Variants in FUT8 observed in about 807,000 individuals in gnomAD.
FUT8 encodes the protein alpha-(1,6)-fucosyltransferase.
FUT8 carries 29 observed loss-of-function variants against 71.3 expected under a neutral mutation model. The observed-to-expected ratio is 0.41, with a 90% CI of 0.30 to 0.55. The LOEUF (loss-of-function observed/expected upper bound fraction) is 0.55. Among genes scored for constraint, FUT8 ranks in the 20% least tolerant of loss-of-function variants. The pLI is 0.34. For missense variants in FUT8, 544 were observed against 702.1 expected, an observed-to-expected ratio of 0.77 and a Z score of 2.55; for synonymous variants, 254 against 239.3, an observed-to-expected ratio of 1.06 and a Z score of -0.57.
At chr14:65,560,377 C>T (rs1885850389) in intron 2 of FUT8, among the ~76,000 whole-genome samples, 1 of 152,104 alleles carries the variant, frequency 6.6e-6, no homozygotes, top group Admixed American at 6.6e-5. Context: ...GATGGGGTTT[C>T]ACCATCTTGC....
intron 2 of FUT8, among the ~76,000 whole-genome samples, chr14:65,508,555 C>T (rs1275722536): frequency 8.7e-6 from 1 of 115,314 alleles, no homozygotes; most frequent in African/African-American, 3.4e-5. Flanking sequence ...GGCTGGAGTG[C>T]AATGGCATAA....
intron 2 of FUT8, among the ~76,000 whole-genome samples, chr14:65,480,028 T>C (rs1382023781): frequency 1.3e-5 from 2 of 152,166 alleles, no homozygotes; most frequent in African/African-American, 4.8e-5. Flanking sequence ...CTGGGTGGCA[T>C]TGGAATCAGT....
At position 65,627,901 on chromosome 14, in the gene FUT8, T is replaced by G. The variant is rs1889981431; in HGVS notation, c.483-1591T>G. Among the ~76,000 whole-genome samples, 1 of 152,176 alleles carries G rather than the reference T, an allele frequency of 6.6e-6. No homozygotes were observed. The highest frequency in any genetic ancestry group is 2.4e-5 in the African/African-American group (1 of 41,448). ...CAACTGCCTGACCATCACCTGATGG[T>G]CGCCTGACATTGCTTGGAGGTTAAG... On this transcript the variant is annotated intron_variant, in intron 5 of 10. Coordinates refer to ENST00000673929, the MANE Select transcript of FUT8 (RefSeq NM_001371533.1). The surrounding 1 kb of genome is among the most constrained non-coding windows in gnomAD (Gnocchi z 4.0).
upstream of FUT8, among the ~76,000 whole-genome samples, chr14:65,405,825 C>T (rs2065087172): frequency 6.6e-6 from 1 of 152,206 alleles, no homozygotes; most frequent in African/African-American, 2.4e-5. Context: ...TGACTTCTCC[C>T]AGATTTTATA....
chr14:65,456,608 C>T (rs2065896809), intron 2 of FUT8, among the ~76,000 whole-genome samples: 1 of 151,752 alleles, frequency 6.6e-6, no homozygotes, highest in African/African-American at 2.4e-5. Context: ...GGCATGGTGG[C>T]TCAAACCTGT....
chr14:65,473,585 C>T (rs1179144224), intron 2 of FUT8, among the ~76,000 whole-genome samples: 2 of 152,184 alleles, frequency 1.3e-5, no homozygotes, highest in Non-Finnish European at 2.9e-5. Flanking sequence ...GTATTCTAGA[C>T]ACTCATACTT....
the FUT8 span, among the ~76,000 whole-genome samples, chr14:65,366,650 A>G: frequency 6.6e-6 from 1 of 152,190 alleles, no homozygotes; most frequent in Non-Finnish European, 1.5e-5. Context: ...GACTCTTAAA[A>G]GGCCTACCTC....
rs539364990 is a variant in FUT8, at chr14:65,734,941, C to A, written c.1410+1560C>A. ...TTAGCAGCATCCCTGGCCAGTAAGA[C>A]CCTCACTTAAAATTGTGACAACCAA... On this transcript the variant is annotated intron_variant, in intron 10 of 10. Transcript: ENST00000673929. Among the ~76,000 whole-genome samples, 3 of 152,242 alleles carry A rather than the reference C, an allele frequency of 2.0e-5. No homozygotes were observed. The East Asian group carries it at 5.8e-4, about 29-fold the overall frequency.
intron 6 of FUT8, among the ~76,000 whole-genome samples, chr14:65,655,658 G>T (rs929779108): frequency 1.3e-5 from 2 of 152,132 alleles, no homozygotes; most frequent in African/African-American, 4.8e-5. Flanking sequence ...GCAGAAACTG[G>T]CAGAACTGAA....
chr14:65,358,944 T>C, the FUT8 span, among the ~76,000 whole-genome samples: 1 of 152,182 alleles, frequency 6.6e-6, no homozygotes, highest in Non-Finnish European at 1.5e-5. Context: ...ATAAGGACAT[T>C]CTCCTACACA....
intron 7 of FUT8, among the ~76,000 whole-genome samples, chr14:65,687,733 C>CT (rs1893366337): frequency 6.6e-6 from 1 of 151,162 alleles, no homozygotes; most frequent in Non-Finnish European, 1.5e-5. Context: ...CCAGCCATGA[C>CT]TTATTCTCCC....
chr14:65,395,538 C>T, the FUT8 span, among the ~76,000 whole-genome samples: 7 of 152,276 alleles, frequency 4.6e-5, no homozygotes, highest in African/African-American at 1.7e-4. Flanking sequence ...GGGGCTTGCA[C>T]CCTCTGAAGC....
At chr14:65,573,562 C>G (rs920494580) in intron 3 of FUT8, among the ~76,000 whole-genome samples, 5 of 151,778 alleles carry the variant, frequency 3.3e-5, no homozygotes, top group South Asian at 2.1e-4. Context: ...TTGTGGCATA[C>G]AAAAGGGGGT....
At chr14:65,597,741 A>C (rs1888070982) in intron 3 of FUT8, among the ~76,000 whole-genome samples, 1 of 152,210 alleles carries the variant, frequency 6.6e-6, no homozygotes, top group Non-Finnish European at 1.5e-5. Flanking sequence ...GAAACTCTAA[A>C]CATCTGTTAT....
rs951515036 is a variant in FUT8 at position 65,643,918 on chromosome 14, T to C, written c.597+14312T>C. Among the ~76,000 whole-genome samples the C allele has an allele frequency of 6.6e-6, 1 of 152,198 alleles. No individual in the cohort carries two copies. The highest frequency in any genetic ancestry group is 2.4e-5 in the African/African-American group (1 of 41,444). ...TTCTCTTTCTAGAAATATGCCTCATTTTTTTCAAGAAATGGCAGGTTTCGC... is the reference window on the plus strand; with the variant it reads ...TTCTCTTTCTAGAAATATGCCTCATCTTTTTCAAGAAATGGCAGGTTTCGC... On this transcript the variant is annotated intron_variant, in intron 6 of 10. Coordinates refer to ENST00000673929, the MANE Select transcript of FUT8 (RefSeq NM_001371533.1). The surrounding 1 kb of genome is among the most constrained non-coding windows in gnomAD (Gnocchi z 4.5).
intron 3 of FUT8, among the ~76,000 whole-genome samples, chr14:65,570,325 C>G (rs1886402253): frequency 2.6e-5 from 4 of 152,030 alleles, no homozygotes; most frequent in Admixed American, 2.6e-4. Context: ...ATAGCTAGTT[C>G]AGCCTGCTCT....
At chr14:65,417,411 C>A (rs541957545) in intron 1 of FUT8, among the ~76,000 whole-genome samples, 4 of 152,262 alleles carry the variant, frequency 2.6e-5, no homozygotes, top group Admixed American at 6.5e-5. Context: ...TCCCACCAGG[C>A]AAAGGTTTTT....
chr14:65,574,503 T>C lies in FUT8; in HGVS notation c.203+12737T>C, dbSNP rs1411967144. Among the ~76,000 whole-genome samples the C allele has an allele frequency of 2.6e-5, 4 of 152,188 alleles. No individual in the cohort carries two copies. The highest frequency in any genetic ancestry group is 9.7e-5 in the African/African-American group (4 of 41,438). On this transcript the variant is annotated intron_variant, in intron 3 of 10. Transcript: ENST00000673929. The surrounding 1 kb of genome is among the most constrained non-coding windows in gnomAD (Gnocchi z 5.2). ...AAGTTTTCATTGTGTACCAACACTTTACATAAATTATCTTATTCAGAAGTT... is the reference window on the plus strand; with the variant it reads ...AAGTTTTCATTGTGTACCAACACTTCACATAAATTATCTTATTCAGAAGTT...
chr14:65,649,378 G>A (rs919274730), intron 6 of FUT8, among the ~76,000 whole-genome samples: 6 of 152,058 alleles, frequency 3.9e-5, no homozygotes, highest in Non-Finnish European at 5.9e-5. Flanking sequence ...AGTGATAGCC[G>A]AACTTGCTGA....
Sources: gnomAD v4.1 joint callset for allele counts (sites outside exome capture counted in the v4.1 genomes callset) on GRCh38, gnomAD v4.1.1 for gene constraint, Gnocchi (gnomAD v3.1) non-coding constraint, MANE v1.5 for transcripts, NCBI Gene and HGNC (gene_info 2026-07-23, HGNC 2026-07-21) for gene names.